The following CSMD1 variants were observed in gnomAD, a reference collection of about 807,000 sequenced individuals.
CSMD1 encodes the protein CUB and Sushi multiple domains 1.
Under a neutral mutation model 417.5 loss-of-function variants are expected in CSMD1, and 213 were observed. The observed-to-expected ratio is 0.51, with a 90% CI of 0.46 to 0.57. The LOEUF (loss-of-function observed/expected upper bound fraction) is 0.57. Ranked by LOEUF, CSMD1 falls within the 20% of genes least tolerant of loss-of-function variation. CSMD1 has a pLI of 0.00. For missense variants in CSMD1, 6,923 were observed against 4,529.7 expected (o/e 1.53, Z -15.17); for synonymous variants, 2,862 against 1,736.8 (o/e 1.65, Z -16.11).
intron 54 of CSMD1, among the ~76,000 whole-genome samples, chr8:2,985,592 T>C (rs569796597): frequency 5.3e-5 from 8 of 152,364 alleles, no homozygotes; most frequent in Non-Finnish European, 1.2e-4. Flanking sequence ...AATTTTACTT[T>C]TCTTAAAAAA....
intron 2 of CSMD1, among the ~76,000 whole-genome samples, chr8:4,433,645 C>A (rs187679316): frequency 1.9e-4 from 29 of 152,128 alleles, no homozygotes; most frequent in African/African-American, 6.8e-4. Flanking sequence ...CTCAAATCTG[C>A]CCTTGTCTGA....
intron 12 of CSMD1, among the ~76,000 whole-genome samples, chr8:3,458,648 C>A (rs747824616): frequency 1.1e-4 from 16 of 152,168 alleles, no homozygotes; most frequent in Admixed American, 2.6e-4. Flanking sequence ...GCTGGTAATT[C>A]ACCTAAAGAA....
At chr8:4,495,435 C>A (rs1184253904) in intron 2 of CSMD1, among the ~76,000 whole-genome samples, 1 of 151,930 alleles carries the variant, frequency 6.6e-6, no homozygotes, top group Non-Finnish European at 1.5e-5. Context: ...ATTAGCTAGG[C>A]CTGGTGACGT....
At chr8:3,541,419 G>C (rs114466721) in intron 10 of CSMD1, among the ~76,000 whole-genome samples, 2 of 152,028 alleles carry the variant, frequency 1.3e-5, no homozygotes, top group Non-Finnish European at 2.9e-5. Flanking sequence ...TAGCTAATAC[G>C]TGTGGGGCTT....
At chr8:3,500,710 G>A (rs561281490) in intron 10 of CSMD1, among the ~76,000 whole-genome samples, 5 of 152,292 alleles carry the variant, frequency 3.3e-5, no homozygotes, top group African/African-American at 1.2e-4. Flanking sequence ...AATTAGATGA[G>A]CTCTAAGATG....
chr8:4,759,735 G>C (rs934095938), intron 1 of CSMD1, among the ~76,000 whole-genome samples: 1 of 152,222 alleles, frequency 6.6e-6, no homozygotes, highest in African/African-American at 2.4e-5. Context: ...TCCTGAAAAA[G>C]ACAAGATCTC....
At chr8:3,386,454 G>T (rs1284822109) in intron 18 of CSMD1, among the ~76,000 whole-genome samples, 1 of 152,214 alleles carries the variant, frequency 6.6e-6, no homozygotes, top group Admixed American at 6.5e-5. Flanking sequence ...CCTGCACTCT[G>T]TGGTCTCGGC....
At chr8:3,978,763 C>T (rs148117951) in intron 5 of CSMD1, among the ~76,000 whole-genome samples, 30 of 152,212 alleles carry the variant, frequency 2.0e-4, no homozygotes, top group African/African-American at 5.8e-4. Flanking sequence ...CAGTGCATGA[C>T]GGTGCTCATG....
chr8:2,986,725 T>TG, intron 54 of CSMD1, among the ~76,000 whole-genome samples: 1 of 152,102 alleles, frequency 6.6e-6, no homozygotes, highest in East Asian at 1.9e-4. Flanking sequence ...AGGATGGTTT[T>TG]GATCTCCTGA....
intron 3 of CSMD1, among the ~76,000 whole-genome samples, chr8:4,385,493 C>G (rs1399132194): frequency 2.0e-5 from 3 of 152,102 alleles, no homozygotes; most frequent in South Asian, 4.1e-4. Flanking sequence ...ATATTTGGAG[C>G]TTAGTACTAC....
intron 1 of CSMD1, among the ~76,000 whole-genome samples, chr8:4,883,103 T>C (rs1234438992): frequency 6.6e-5 from 10 of 152,052 alleles, no homozygotes; most frequent in African/African-American, 2.4e-4. Flanking sequence ...CTCTACAAGA[T>C]TTTATAGTAA....
chr8:3,930,208 A>G (rs1834570), intron 5 of CSMD1, among the ~76,000 whole-genome samples: 18,027 of 149,996 alleles, frequency 0.12, 2,986 homozygotes, highest in African/African-American at 0.33. Flanking sequence ...TGATGATTCT[A>G]TACGTGACAA....
At chr8:4,490,148 C>G (rs911335188) in intron 2 of CSMD1, among the ~76,000 whole-genome samples, 48 of 150,638 alleles carry the variant, frequency 3.2e-4, no homozygotes, top group African/African-American at 1.1e-3. Context: ...TCAAGTGATT[C>G]TCCTGCTTCA....
intron 8 of CSMD1, among the ~76,000 whole-genome samples, chr8:3,601,497 C>T (rs1262907219): frequency 2.6e-5 from 4 of 152,156 alleles, no homozygotes; most frequent in African/African-American, 9.7e-5. Flanking sequence ...ACCAGGCAGG[C>T]CAATGGTTAC....
intron 5 of CSMD1, among the ~76,000 whole-genome samples, chr8:3,969,479 T>G (rs1234362055): frequency 6.6e-6 from 1 of 152,186 alleles, no homozygotes; most frequent in African/African-American, 2.4e-5. Context: ...GTCTATAAGT[T>G]TGTGTTTTTT....
chr8:4,974,664 T>C (rs1432579921), intron 1 of CSMD1, among the ~76,000 whole-genome samples: 1 of 152,156 alleles, frequency 6.6e-6, no homozygotes, highest in Non-Finnish European at 1.5e-5. Context: ...CATGTACAAA[T>C]AATGGTTAGA....
intron 2 of CSMD1, among the ~76,000 whole-genome samples, chr8:4,578,630 C>A (rs745371841): frequency 6.6e-6 from 1 of 151,066 alleles, no homozygotes; most frequent in Non-Finnish European, 1.5e-5. Flanking sequence ...GCCTGGCCAA[C>A]ATGGTGAAAC....
chr8:3,411,176 T>G (rs901888854), intron 12 of CSMD1, among the ~76,000 whole-genome samples: 73 of 152,152 alleles, frequency 4.8e-4, no homozygotes, highest in African/African-American at 1.4e-3. Context: ...CTCTGCAACT[T>G]TGGAAGAGCA....
chr8:4,862,132 G>T (rs1446562149), intron 1 of CSMD1, among the ~76,000 whole-genome samples: 2 of 152,012 alleles, frequency 1.3e-5, no homozygotes, highest in Non-Finnish European at 2.9e-5. Context: ...AGGGTCTGGG[G>T]ACAAGGAGGC....
Sources: allele counts gnomAD v4.1 joint callset (sites outside exome capture counted in the v4.1 genomes callset), GRCh38; gene constraint gnomAD v4.1.1; transcripts MANE v1.5; gene names NCBI Gene and HGNC (gene_info 2026-07-23, HGNC 2026-07-21).